EPB41L4A: variants seen among roughly 807,000 people sequenced by gnomAD.
The protein encoded by EPB41L4A is band 4.1-like protein 4A.
EPB41L4A carries 100 observed loss-of-function variants against 108.6 expected under a neutral mutation model. That is an observed-to-expected ratio of 0.92 (90% CI 0.78 to 1.09). The LOEUF is 1.09. EPB41L4A is among the 50% of genes least tolerant of loss of function. The probability of loss-of-function intolerance (pLI) is 0.00; values close to 1 mark genes in which losing one functional copy is unlikely to be tolerated. For missense variants in EPB41L4A, 1,030 were observed against 842.7 expected, an observed-to-expected ratio of 1.22 and a Z score of -2.75; for synonymous variants, 319 against 289.0, an observed-to-expected ratio of 1.10 and a Z score of -1.05.
chr5:112,188,107 C>T (rs1350740234), intron 17 of EPB41L4A, among the ~76,000 whole-genome samples: 1 of 152,222 alleles, frequency 6.6e-6, no homozygotes, highest in Non-Finnish European at 1.5e-5. Flanking sequence ...ACAATTGCTT[C>T]ACATGGCCCC....
At chr5:112,309,310 T>C (rs531357643) in intron 1 of EPB41L4A, among the ~76,000 whole-genome samples, 35 of 152,342 alleles carry the variant, frequency 2.3e-4, no homozygotes, top group Non-Finnish European at 4.1e-4. Context: ...TTGTTTGATA[T>C]CCATCTTTCT....
intron 16 of EPB41L4A, among the ~76,000 whole-genome samples, chr5:112,195,439 C>G (rs540791829): frequency 1.3e-5 from 2 of 151,032 alleles, no homozygotes; most frequent in Non-Finnish European, 2.9e-5. Flanking sequence ...AATATGGCAA[C>G]AGATAAATAA....
At chr5:112,406,088 CAG>C (rs1475052539) in intron 1 of EPB41L4A, among the ~76,000 whole-genome samples, 2 of 152,132 alleles carry the variant, frequency 1.3e-5, no homozygotes, top group African/African-American at 4.8e-5. Context: ...GATGTAAAAA[CAG>C]TGTCTGAAAG....
intron 9 of EPB41L4A, chr5:112,250,569 C>T (rs1014049553): frequency 7.9e-5 from 12 of 152,090 alleles, no homozygotes; most frequent in South Asian, 2.1e-4. Flanking sequence ...CCTGTTAAAA[C>T]GAAGGCTTAT....
intron 2 of EPB41L4A, among the ~76,000 whole-genome samples, chr5:112,300,352 A>C (rs1754273591): frequency 6.6e-6 from 1 of 152,178 alleles, no homozygotes. Flanking sequence ...TAGGACTGGC[A>C]AATTCTCTCA....
At chr5:112,391,247 T>A (rs1016469869) in intron 1 of EPB41L4A, among the ~76,000 whole-genome samples, 1 of 152,190 alleles carries the variant, frequency 6.6e-6, no homozygotes, top group African/African-American at 2.4e-5. Flanking sequence ...AGAAGTAGGC[T>A]TCAGAAGGCT....
chr5:112,147,066 TG>T (rs1759285835), intron 12 of EPB41L4A, among the ~76,000 whole-genome samples: 1 of 152,216 alleles, frequency 6.6e-6, no homozygotes, highest in Non-Finnish European at 1.5e-5. Flanking sequence ...ATGTGTAAAG[TG>T]TAATGTGCTG....
chr5:112,207,913 C>T (rs1038373399), intron 13 of EPB41L4A, among the ~76,000 whole-genome samples: 3 of 152,132 alleles, frequency 2.0e-5, no homozygotes, highest in Admixed American at 2.0e-4. Flanking sequence ...AACAATTCCA[C>T]TACTGGATAT....
chr5:112,375,313 T>TCTCTCTCTCTCG (rs1554106193), intron 1 of EPB41L4A, among the ~76,000 whole-genome samples: 2 of 148,376 alleles, frequency 1.3e-5, no homozygotes, highest in African/African-American at 5.1e-5. Context: ...GGTCAGTCTC[T>TCTCTCTCTCTCG]CTCTCTCTCG....
At chr5:112,229,322 TA>T (rs1274009967) in intron 12 of EPB41L4A, among the ~76,000 whole-genome samples, 1 of 152,258 alleles carries the variant, frequency 6.6e-6, no homozygotes, top group African/African-American at 2.4e-5. Context: ...CTGCAAAGTC[TA>T]AAATATTCAT....
intron 1 of EPB41L4A, among the ~76,000 whole-genome samples, chr5:112,336,009 A>T (rs1231608471): frequency 1.3e-5 from 2 of 152,096 alleles, no homozygotes; most frequent in Admixed American, 1.3e-4. Context: ...ACACGCCCTC[A>T]AAGTTGTGTT....
intron 19 of EPB41L4A, 76 bp from the exon 20 acceptor site, chr5:112,170,445 A>G: frequency 2.1e-6 from 2 of 949,534 alleles, no homozygotes; most frequent in South Asian, 2.9e-5. Context: ...TCGGCAGGTG[A>G]GTTTTCCCTT....
intron 12 of EPB41L4A, among the ~76,000 whole-genome samples, chr5:112,146,359 C>T (rs561367503): frequency 1.1e-4 from 16 of 152,280 alleles, no homozygotes; most frequent in African/African-American, 3.8e-4. Context: ...CAAATACTAA[C>T]ATTAATACAT....
intron 1 of EPB41L4A, among the ~76,000 whole-genome samples, chr5:112,409,906 C>T (rs1580855502): frequency 6.6e-6 from 1 of 152,266 alleles, no homozygotes; most frequent in East Asian, 1.9e-4. Context: ...GAGGGAGACT[C>T]GAAGCCAGAT....
At chr5:112,233,274 G>A (rs1057310168) in intron 12 of EPB41L4A, among the ~76,000 whole-genome samples, 4 of 152,158 alleles carry the variant, frequency 2.6e-5, no homozygotes, top group African/African-American at 9.7e-5. Context: ...ATAATGAAAA[G>A]AAAGGAATGA....
chr5:112,348,135 A>T (rs1334865590), intron 1 of EPB41L4A, among the ~76,000 whole-genome samples: 1 of 151,790 alleles, frequency 6.6e-6, no homozygotes, highest in East Asian at 1.9e-4. Context: ...TCTCTATGTC[A>T]CTCCCTCCAC....
At chr5:112,381,855 C>T (rs961503346) in intron 1 of EPB41L4A, among the ~76,000 whole-genome samples, 1 of 152,236 alleles carries the variant, frequency 6.6e-6, no homozygotes, top group Admixed American at 6.5e-5. Flanking sequence ...CCCACCAATT[C>T]CACACTGAGG....
intron 9 of EPB41L4A, among the ~76,000 whole-genome samples, chr5:112,255,911 C>A (rs771794853): frequency 3.9e-5 from 6 of 152,114 alleles, no homozygotes; most frequent in Non-Finnish European, 5.9e-5. Flanking sequence ...CCATAGCCTT[C>A]CCCACCTCAC....
At chr5:112,219,257 C>T (rs987032061) in intron 12 of EPB41L4A, among the ~76,000 whole-genome samples, 2 of 152,110 alleles carry the variant, frequency 1.3e-5, no homozygotes, top group Non-Finnish European at 2.9e-5. Flanking sequence ...GGGGTGGTTC[C>T]CCCATGCTAT....
Sources: gnomAD v4.1 joint callset for allele counts (sites outside exome capture counted in the v4.1 genomes callset) on GRCh38, gnomAD v4.1.1 for gene constraint, MANE v1.5 for transcripts, NCBI Gene and HGNC (gene_info 2026-07-23, HGNC 2026-07-21) for gene names.